The following TCF12 variants were observed in gnomAD, a reference collection of about 807,000 sequenced individuals.
TCF12 encodes DNA-binding protein HTF4.
In TCF12, 45 loss-of-function variants were observed where a neutral mutation model predicts 86.0. The ratio of observed to expected loss-of-function variants is 0.52; its 90% CI spans 0.41 to 0.67. The LOEUF (loss-of-function observed/expected upper bound fraction) is 0.67. Among genes scored for constraint, TCF12 ranks in the 30% least tolerant of loss-of-function variants. The pLI, the probability that TCF12 is intolerant of heterozygous loss-of-function variation, is 0.00. For missense variants in TCF12, 881 were observed against 859.9 expected, an observed-to-expected ratio of 1.02 and a Z score of -0.31; for synonymous variants, 330 against 299.6, an observed-to-expected ratio of 1.10 and a Z score of -1.05.
At chr15:57,014,626 C>A (rs1238120918) in intron 3 of TCF12, among the ~76,000 whole-genome samples, 1 of 152,060 alleles carries the variant, frequency 6.6e-6, no homozygotes, top group Non-Finnish European at 1.5e-5. Context: ...TTCTTTCTCT[C>A]AGAGGTTGCC....
chr15:57,196,530 T>C (rs1234404909), intron 7 of TCF12, among the ~76,000 whole-genome samples: 1 of 152,220 alleles, frequency 6.6e-6, no homozygotes, highest in Non-Finnish European at 1.5e-5. Context: ...TGTTCTCTCT[T>C]CCTAATAATG....
rs566734871 is a variant in TCF12 at position 57,287,716 on chromosome 15, T to A, written c.*1571T>A. ...ATGTAGCTTAAAGATTTCTGTTAAT[T>A]TGAAAGAACAAAAACAAGACAGAAC... On this transcript the variant is annotated 3_prime_UTR_variant, in exon 21 of 21. Coordinates refer to ENST00000333725, the MANE Select transcript of TCF12 (RefSeq NM_207037.2). The A allele has an allele frequency of 1.3e-5, 2 of 152,758 alleles. No individual in the cohort carries two copies. The highest frequency in any genetic ancestry group is 1.3e-4 in the Admixed American group (2 of 15,300). The allele number at this position is 152,758 out of a possible 1,614,324, so 9.5% of individuals were successfully genotyped here. A position where few individuals can be genotyped will look rare whatever the true frequency, so the allele number is the denominator to read the frequency against.
In TCF12 at chr15:57,170,639, TATA is replaced by T. The variant is rs1567557034; in HGVS notation, c.390+4177_390+4179del. 2.9e-3 allele frequency among the ~76,000 whole-genome samples: 108 copies of T among 37,064 alleles called. 4 individuals carry two copies. The highest frequency in any genetic ancestry group is 3.7e-3 in the Non-Finnish European group (89 of 23,900). The allele number at this position is 37,064 out of a possible 152,430, so 24.3% of individuals were successfully genotyped here. On this transcript the variant is annotated intron_variant, in intron 6 of 20. Transcript: ENST00000333725. Reference sequence around the variant, plus strand: ...ATGCCCTGCTAATTTTATATATATATATAATATATATATTATATAAAATATATA... The same window carrying T: ...ATGCCCTGCTAATTTTATATATATATATATATATATTATATAAAATATATA...
chr15:57,241,867 G>T (rs2059645699), intron 12 of TCF12, among the ~76,000 whole-genome samples: 1 of 152,048 alleles, frequency 6.6e-6, no homozygotes, highest in South Asian at 2.1e-4. Context: ...GTGGCACGCG[G>T]CTGTAGTGCT....
At chr15:57,254,124 A>G (rs1236985076) in intron 16 of TCF12, among the ~76,000 whole-genome samples, 2 of 152,132 alleles carry the variant, frequency 1.3e-5, no homozygotes, top group African/African-American at 4.8e-5. Flanking sequence ...TTCTTTTTGA[A>G]CCTGCTATTT....
At chr15:57,025,143 G>C (rs201395389) in intron 3 of TCF12, among the ~76,000 whole-genome samples, 1 of 151,886 alleles carries the variant, frequency 6.6e-6, no homozygotes, top group Non-Finnish European at 1.5e-5. Context: ...GCAGTGGCAC[G>C]ATCGCAGCTC....
intron 5 of TCF12, among the ~76,000 whole-genome samples, chr15:57,153,580 T>G (rs546544999): frequency 6.6e-6 from 1 of 152,306 alleles, no homozygotes; most frequent in East Asian, 1.9e-4. Flanking sequence ...TATTGTCGGT[T>G]TTATAAAATA....
chr15:57,003,693 A>T (rs2064183147), intron 3 of TCF12, among the ~76,000 whole-genome samples: 1 of 152,242 alleles, frequency 6.6e-6, no homozygotes, highest in Non-Finnish European at 1.5e-5. Context: ...GTGTGTCTGC[A>T]AATGACTGGA....
intron 5 of TCF12, among the ~76,000 whole-genome samples, chr15:57,159,738 G>A (rs2054363987): frequency 1.3e-5 from 2 of 151,910 alleles, no homozygotes; most frequent in Admixed American, 1.3e-4. Flanking sequence ...AACACATGGA[G>A]TTTTTCTGTG....
At chr15:57,010,380 G>C (rs1318057267) in intron 3 of TCF12, among the ~76,000 whole-genome samples, 1 of 151,564 alleles carries the variant, frequency 6.6e-6, no homozygotes, top group Admixed American at 6.6e-5. Context: ...AAAAAGTCCA[G>C]AAAACAAAAA....
At chr15:57,206,786 A>AT (rs2057837434) in intron 8 of TCF12, among the ~76,000 whole-genome samples, 4 of 150,912 alleles carry the variant, frequency 2.7e-5, no homozygotes, top group Admixed American at 2.6e-4. Context: ...GCCAATCACC[A>AT]TTTTTTTTCC....
At chr15:57,149,931 G>A (rs932909287) in intron 5 of TCF12, among the ~76,000 whole-genome samples, 6 of 152,052 alleles carry the variant, frequency 3.9e-5, no homozygotes, top group Admixed American at 2.0e-4. Context: ...TTTCTAAGAG[G>A]TATAAAAACC....
chr15:57,160,151 C>G (rs1056395399), intron 5 of TCF12, among the ~76,000 whole-genome samples: 45 of 152,290 alleles, frequency 3.0e-4, no homozygotes, highest in African/African-American at 1.1e-3. Context: ...CTAATCTGCT[C>G]TGAGGTTGCT....
chr15:57,234,822 G>A (rs554537093), intron 12 of TCF12, among the ~76,000 whole-genome samples: 2 of 152,116 alleles, frequency 1.3e-5, no homozygotes, highest in Non-Finnish European at 2.9e-5. Context: ...TGTGCTTTGC[G>A]CTTCCTAAAA....
At chr15:56,932,410 G>A (rs2060285540) in intron 3 of TCF12, among the ~76,000 whole-genome samples, 1 of 152,088 alleles carries the variant, frequency 6.6e-6, no homozygotes, top group Non-Finnish European at 1.5e-5. Context: ...AGCATGGTTT[G>A]TCTTGAGGAG....
At chr15:57,213,360 C>T (rs376054445) in intron 8 of TCF12, among the ~76,000 whole-genome samples, 1 of 152,066 alleles carries the variant, frequency 6.6e-6, no homozygotes, top group African/African-American at 2.4e-5. Context: ...ATTAGCTTTG[C>T]TTTTTTACTT....
chr15:57,264,046 C>G (rs1007525217), intron 18 of TCF12, among the ~76,000 whole-genome samples: 1 of 151,808 alleles, frequency 6.6e-6, no homozygotes, highest in African/African-American at 2.4e-5. Context: ...TATTTTTCTT[C>G]AATAGTAAAT....
intron 3 of TCF12, among the ~76,000 whole-genome samples, chr15:56,926,066 T>G (rs1348610522): frequency 6.6e-6 from 1 of 151,998 alleles, no homozygotes; most frequent in African/African-American, 2.4e-5. Context: ...AATCACAGCG[T>G]TTTGGGAGGC....
At chr15:57,023,595 T>C (rs1258676006) in intron 3 of TCF12, among the ~76,000 whole-genome samples, 2 of 152,168 alleles carry the variant, frequency 1.3e-5, no homozygotes, top group African/African-American at 4.8e-5. Context: ...GCAGATTGGA[T>C]TCATAAAGAA....
Sources: allele counts gnomAD v4.1 joint callset (sites outside exome capture counted in the v4.1 genomes callset), GRCh38; gene constraint gnomAD v4.1.1; transcripts MANE v1.5; gene names NCBI Gene and HGNC (gene_info 2026-07-23, HGNC 2026-07-21).